SOX5: variants seen among roughly 807,000 people sequenced by gnomAD.
SOX5 encodes transcription factor SOX-5.
Under a neutral mutation model 92.0 loss-of-function variants are expected in SOX5, and 9 were observed. The ratio of observed to expected loss-of-function variants is 0.10; its 90% CI spans 0.06 to 0.17. SOX5 has a LOEUF of 0.17. SOX5 is among the 10% of genes least tolerant of loss of function. SOX5 has a pLI of 1.00. For missense variants in SOX5, 642 were observed against 944.5 expected, an observed-to-expected ratio of 0.68 and a Z score of 4.20; for synonymous variants, 344 against 336.3, an observed-to-expected ratio of 1.02 and a Z score of -0.25.
At chr12:23,585,248 G>C (rs1447317828) in intron 9 of SOX5, among the ~76,000 whole-genome samples, 1 of 152,134 alleles carries the variant, frequency 6.6e-6, no homozygotes, top group African/African-American at 2.4e-5. Context: ...CTCACCACTT[G>C]AATTTCAGTT....
At chr12:24,547,487 G>A (rs138253278) in intron 1 of SOX5, among the ~76,000 whole-genome samples, 131 of 152,252 alleles carry the variant, frequency 8.6e-4, no homozygotes, top group African/African-American at 2.9e-3. Flanking sequence ...CACCGCGCCC[G>A]GCCTATCTAA....
intron 4 of SOX5, among the ~76,000 whole-genome samples, chr12:23,746,299 G>A (rs967128414): frequency 6.6e-6 from 1 of 152,002 alleles, no homozygotes; most frequent in African/African-American, 2.4e-5. Flanking sequence ...GTACTCCAGA[G>A]GCCTCCCAGC....
chr12:23,872,841 T>C (rs553878173), intron 2 of SOX5, among the ~76,000 whole-genome samples: 9 of 152,278 alleles, frequency 5.9e-5, no homozygotes, highest in Admixed American at 1.3e-4. Flanking sequence ...GGCAGCAACT[T>C]AGGGAGCCAG....
intron 2 of SOX5, among the ~76,000 whole-genome samples, chr12:24,283,503 A>G (rs9651821): frequency 0.042 from 6,453 of 152,290 alleles, 477 homozygotes; most frequent in African/African-American, 0.15. Context: ...AAAATATGCC[A>G]CCTGCACAAC....
intron 3 of SOX5, among the ~76,000 whole-genome samples, chr12:24,232,771 G>A (rs1052452535): frequency 1.3e-5 from 2 of 152,032 alleles, no homozygotes; most frequent in Admixed American, 6.6e-5. Flanking sequence ...TATTCTGTCC[G>A]GCCTATGTAG....
At chr12:24,107,922 T>C (rs1946868604) in intron 4 of SOX5, among the ~76,000 whole-genome samples, 1 of 152,202 alleles carries the variant, frequency 6.6e-6, no homozygotes, top group South Asian at 2.1e-4. Context: ...AAGTGAATGG[T>C]TAAGTAAATT....
intron 4 of SOX5, among the ~76,000 whole-genome samples, chr12:24,140,077 G>A (rs1950440363): frequency 6.6e-6 from 1 of 152,134 alleles, no homozygotes; most frequent in African/African-American, 2.4e-5. Context: ...CACCCTGGTT[G>A]CGAAAACAAA....
intron 3 of SOX5, among the ~76,000 whole-genome samples, chr12:23,786,969 A>G (rs2095391587): frequency 6.9e-6 from 1 of 145,728 alleles, no homozygotes; most frequent in East Asian, 2.0e-4. Flanking sequence ...TTGGAGAACT[A>G]TTGATATTAC....
chr12:23,948,265 G>C (rs565212410), intron 1 of SOX5, among the ~76,000 whole-genome samples: 1 of 150,502 alleles, frequency 6.6e-6, no homozygotes, highest in South Asian at 2.1e-4. Context: ...TGACAGCACC[G>C]AAGTATATGT....
At chr12:23,964,947 C>A (rs1947367121) in intron 4 of SOX5, among the ~76,000 whole-genome samples, 1 of 152,176 alleles carries the variant, frequency 6.6e-6, no homozygotes, top group Admixed American at 6.5e-5. Flanking sequence ...AAGAACCAGC[C>A]AGTAGGGGAG....
intron 1 of SOX5, among the ~76,000 whole-genome samples, chr12:24,371,099 G>A (rs73289745): frequency 0.015 from 2,262 of 152,184 alleles, 52 homozygotes; most frequent in African/African-American, 0.051. Context: ...AATCAATTAC[G>A]TATGTCTTTT....
intron 3 of SOX5, among the ~76,000 whole-genome samples, chr12:23,775,984 G>A (rs1033479407): frequency 6.6e-6 from 1 of 152,124 alleles, no homozygotes; most frequent in East Asian, 1.9e-4. Flanking sequence ...CGATGGTTTC[G>A]AGACGAAACT....
intron 9 of SOX5, among the ~76,000 whole-genome samples, chr12:23,596,357 A>G (rs1236079238): frequency 1.3e-5 from 2 of 152,226 alleles, no homozygotes; most frequent in Admixed American, 1.3e-4. Context: ...ATCAACCTAA[A>G]TAAGACATCA....
intron 1 of SOX5, among the ~76,000 whole-genome samples, chr12:24,515,208 C>A (rs770102152): frequency 2.0e-5 from 3 of 152,150 alleles, no homozygotes; most frequent in Admixed American, 6.5e-5. Context: ...GGGTTCAAAT[C>A]TTGGACCTGG....
intron 3 of SOX5, among the ~76,000 whole-genome samples, chr12:23,838,849 G>GT (rs1385206107): frequency 9.5e-6 from 1 of 105,686 alleles, no homozygotes; most frequent in Non-Finnish European, 2.0e-5. Flanking sequence ...TTTTTGGGGG[G>GT]GGGGGGCGGG....
At chr12:24,011,808 T>C (rs1220609510) in intron 4 of SOX5, among the ~76,000 whole-genome samples, 1 of 152,210 alleles carries the variant, frequency 6.6e-6, no homozygotes, top group Non-Finnish European at 1.5e-5. Context: ...ACTTTTAAAA[T>C]GACACTTATA....
At chr12:24,140,572 T>C (rs1402696059) in intron 4 of SOX5, among the ~76,000 whole-genome samples, 3 of 152,176 alleles carry the variant, frequency 2.0e-5, no homozygotes, top group Admixed American at 1.3e-4. Context: ...TGAGATGTTT[T>C]ATACATATTC....
At chr12:24,301,956 T>A (rs1183508022) in intron 2 of SOX5, among the ~76,000 whole-genome samples, 1 of 152,116 alleles carries the variant, frequency 6.6e-6, no homozygotes, top group Admixed American at 6.5e-5. Flanking sequence ...ACAAAGTATA[T>A]ATATATATAA....
intron 3 of SOX5, among the ~76,000 whole-genome samples, chr12:23,775,045 T>C (rs2095055276): frequency 6.6e-6 from 1 of 152,126 alleles, no homozygotes; most frequent in African/African-American, 2.4e-5. Flanking sequence ...CAAACCTACA[T>C]AGTTTAACAA....
Sources: gnomAD v4.1 joint callset for allele counts (sites outside exome capture counted in the v4.1 genomes callset) on GRCh38, gnomAD v4.1.1 for gene constraint, MANE v1.5 for transcripts, NCBI Gene and HGNC (gene_info 2026-07-23, HGNC 2026-07-21) for gene names.